CHP1: variants seen among roughly 807,000 people sequenced by gnomAD.
The protein encoded by CHP1 is calcineurin B homologous protein 1.
Under a neutral mutation model 27.4 loss-of-function variants are expected in CHP1, and 11 were observed. That is an observed-to-expected ratio of 0.40 (90% confidence interval 0.25 to 0.67). The LOEUF (loss-of-function observed/expected upper bound fraction) is 0.67, where lower values mean the gene tolerates loss of function less well. Ranked by LOEUF, CHP1 falls within the 30% of genes least tolerant of loss-of-function variation. CHP1 has a pLI of 0.38. For synonymous variants in CHP1, 89 were observed against 87.4 expected, an observed-to-expected ratio of 1.02 and a Z score of -0.10; for missense variants, 169 against 251.3, an observed-to-expected ratio of 0.67 and a Z score of 2.22.
chr15:41,242,858 G>C (rs977649439), intron 1 of CHP1, among the ~76,000 whole-genome samples: 1 of 151,542 alleles, frequency 6.6e-6, no homozygotes, highest in Admixed American at 6.6e-5. Flanking sequence ...CAGGAGAATC[G>C]CTTGAACACG....
chr15:41,246,531 G>A lies in CHP1; in HGVS notation c.140+2792G>A, dbSNP rs541352602. On this transcript the variant is annotated intron_variant, in intron 2 of 6. Coordinates refer to ENST00000334660, the MANE Select transcript of CHP1 (RefSeq NM_007236.5). Reference sequence around the variant, plus strand: ...AACGGGGTTTCACCATCTTGGCCAGGCTGGTCTCAAACTCCTGACCTCGTG... The same window carrying A: ...AACGGGGTTTCACCATCTTGGCCAGACTGGTCTCAAACTCCTGACCTCGTG... Among the ~76,000 whole-genome samples, 3 of 151,102 alleles carry A rather than the reference G, an allele frequency of 2.0e-5. No individual in the cohort carries two copies. In the East Asian group the frequency reaches 5.9e-4, roughly 30 times the overall value.
chr15:41,231,515 T>G (rs2140917260), intron 1 of CHP1, 66 bp downstream of exon 1: 1 of 1,490,516 alleles, frequency 6.7e-7, no homozygotes, highest in East Asian at 2.4e-5. Flanking sequence ...AGGGCGGCTG[T>G]CGCTAAGGTC....
Position 41,279,667 on chromosome 15 carries a change from A to C in CHP1, c.*278A>C. 2.7e-6 allele frequency: 1 copy of C among 370,898 alleles called. No homozygotes were observed. The highest frequency in any genetic ancestry group is 4.4e-5 in the Admixed American group (1 of 22,856). 23.0% of individuals were successfully genotyped at this position (370,898 alleles called of 1,614,324 possible). A position where few individuals can be genotyped will look rare whatever the true frequency, so the allele number is the denominator to read the frequency against. On this transcript the variant is annotated 3_prime_UTR_variant, in exon 7 of 7. Transcript: ENST00000334660. ...CCCATTCTGCTGCTGAATGCCACAC[A>C]TCCATCCAGTCTGAGAAAGTGAGAG...
At position 41,281,284 on chromosome 15, in the gene CHP1, T is replaced by C. The variant is rs2047544601; in HGVS notation, c.*1895T>C. Reference sequence around the variant, plus strand: ...TGCCTGGTTACATTAGCTCCCTGGCTTCTTGTTTAGACCACTGCTAATCCC... The same window carrying C: ...TGCCTGGTTACATTAGCTCCCTGGCCTCTTGTTTAGACCACTGCTAATCCC... On this transcript the variant is annotated 3_prime_UTR_variant, in exon 7 of 7. Coordinates refer to ENST00000334660, the MANE Select transcript of CHP1 (RefSeq NM_007236.5). 6.6e-6 allele frequency: 1 copy of C among 152,520 alleles called. No homozygotes were observed. The highest frequency in any genetic ancestry group is 6.6e-5 in the Admixed American group (1 of 15,266). The allele number at this position is 152,520 out of a possible 1,614,324, so 9.4% of individuals were successfully genotyped here. A position where few individuals can be genotyped will look rare whatever the true frequency, so the allele number is the denominator to read the frequency against.
intron 1 of CHP1, among the ~76,000 whole-genome samples, chr15:41,232,527 T>TA (rs2047255865): frequency 6.6e-6 from 1 of 151,916 alleles, no homozygotes; most frequent in South Asian, 2.1e-4. Flanking sequence ...ATTTTTTTTT[T>TA]TATAGTCCAG....
chr15:41,241,415 A>C (rs937034017), intron 1 of CHP1, among the ~76,000 whole-genome samples: 4 of 152,172 alleles, frequency 2.6e-5, no homozygotes, highest in Non-Finnish European at 5.9e-5. Flanking sequence ...TTTGCCAAGC[A>C]TTTTCCTTTC....
intron 4 of CHP1, among the ~76,000 whole-genome samples, chr15:41,266,334 A>G (rs1595480506): frequency 6.6e-6 from 1 of 152,102 alleles, no homozygotes; most frequent in East Asian, 1.9e-4. Flanking sequence ...AAAAGGTACA[A>G]CCCTATCTAC....
rs549459209 is a variant in CHP1, at chr15:41,251,024, G to C, written c.141-5886G>C. On this transcript the variant is annotated intron_variant, in intron 2 of 6. Transcript: ENST00000334660. ...GAATTTTTTTATTTTTAGTAGAGAC[G>C]GGTTTCACCATGTTGGCCAGGATGG... Among the ~76,000 whole-genome samples, 11 of 151,892 alleles carry C rather than the reference G, an allele frequency of 7.2e-5. No homozygotes were observed. In the East Asian group the frequency reaches 1.9e-3, roughly 27 times the overall value.
chr15:41,250,163 C>T (rs970290463), intron 2 of CHP1, among the ~76,000 whole-genome samples: 9 of 151,176 alleles, frequency 6.0e-5, no homozygotes, highest in Non-Finnish European at 1.0e-4. Context: ...GTTAAATAGG[C>T]TACCTAATTA....
chr15:41,234,257 C>T (rs563516137), intron 1 of CHP1: 8 of 152,218 alleles, frequency 5.3e-5, no homozygotes, highest in African/African-American at 1.9e-4. Context: ...GCGCCAAGCC[C>T]AGAGTTGTTT....
intron 5 of CHP1, among the ~76,000 whole-genome samples, chr15:41,275,204 C>G (rs559086592): frequency 3.9e-5 from 6 of 152,058 alleles, no homozygotes; most frequent in Admixed American, 2.6e-4. Flanking sequence ...GTCGCCCAGG[C>G]TGGAATGCAA....
At chr15:41,251,649 A>G (rs1301133633) in intron 2 of CHP1, among the ~76,000 whole-genome samples, 2 of 152,114 alleles carry the variant, frequency 1.3e-5, no homozygotes, top group African/African-American at 4.8e-5. Flanking sequence ...CATGTGAGGG[A>G]TCTAGACTGA....
chr15:41,242,654 G>A (rs2047312646), intron 1 of CHP1, among the ~76,000 whole-genome samples: 2 of 151,842 alleles, frequency 1.3e-5, no homozygotes, highest in African/African-American at 2.4e-5. Flanking sequence ...TAAAAAATAA[G>A]CAAAATAGGC....
chr15:41,231,947 G>GT (rs1252006199), intron 1 of CHP1, among the ~76,000 whole-genome samples: 5 of 152,152 alleles, frequency 3.3e-5, no homozygotes, highest in Non-Finnish European at 5.9e-5. Context: ...GCAAGACCGT[G>GT]TAGTAAGGCT....
chr15:41,236,440 T>C (rs538246366), intron 1 of CHP1, among the ~76,000 whole-genome samples: 1 of 152,084 alleles, frequency 6.6e-6, no homozygotes, highest in South Asian at 2.1e-4. Flanking sequence ...TTTTTAATTT[T>C]TTGTAGAGAT....
intron 3 of CHP1, among the ~76,000 whole-genome samples, chr15:41,258,163 T>C (rs1033428391): frequency 2.6e-5 from 4 of 152,198 alleles, no homozygotes; most frequent in Non-Finnish European, 4.4e-5. Flanking sequence ...CACATACTTA[T>C]GTAATTTTTT....
chr15:41,245,978 G>A, intron 2 of CHP1, among the ~76,000 whole-genome samples: 1 of 152,028 alleles, frequency 6.6e-6, no homozygotes, highest in East Asian at 1.9e-4. Flanking sequence ...AGTTGGTTTT[G>A]TATATGGTGT....
chr15:41,250,025 A>G (rs1567006400), intron 2 of CHP1, among the ~76,000 whole-genome samples: 2 of 151,364 alleles, frequency 1.3e-5, no homozygotes, highest in East Asian at 3.9e-4. Flanking sequence ...GAGTGCTTTC[A>G]GAGACTCACT....
intron 4 of CHP1, among the ~76,000 whole-genome samples, chr15:41,268,945 G>A (rs1244382780): frequency 6.6e-6 from 1 of 152,220 alleles, no homozygotes; most frequent in African/African-American, 2.4e-5. Context: ...GGGCAACAGA[G>A]CAAGACTCTG....
Sources: gnomAD v4.1 joint callset for allele counts (sites outside exome capture counted in the v4.1 genomes callset) on GRCh38, gnomAD v4.1.1 for gene constraint, MANE v1.5 for transcripts, NCBI Gene and HGNC (gene_info 2026-07-23, HGNC 2026-07-21) for gene names.